BTRC: variants seen among roughly 807,000 people sequenced by gnomAD.
BTRC encodes the protein F-box/WD repeat-containing protein 1A.
Under a neutral mutation model 85.5 loss-of-function variants are expected in BTRC, and 42 were observed. That is an observed-to-expected ratio of 0.49 (90% CI 0.38 to 0.64). BTRC has a LOEUF of 0.64. Ranked by LOEUF, BTRC falls within the 30% of genes least tolerant of loss-of-function variation. The probability of loss-of-function intolerance (pLI) is 0.00; values close to 1 mark genes in which losing one functional copy is unlikely to be tolerated. For missense variants in BTRC, 594 were observed against 743.5 expected (o/e 0.80, Z 2.34); for synonymous variants, 255 against 263.3 (o/e 0.97, Z 0.30).
chr10:101,406,046 G>A (rs998523773), intron 1 of BTRC, among the ~76,000 whole-genome samples: 2 of 152,046 alleles, frequency 1.3e-5, no homozygotes, highest in Non-Finnish European at 2.9e-5. Flanking sequence ...ATGTAGATTT[G>A]TGTATTTTCC....
intron 13 of BTRC, among the ~76,000 whole-genome samples, chr10:101,550,084 A>T (rs1277951789): frequency 1.3e-5 from 2 of 152,162 alleles, no homozygotes; most frequent in Non-Finnish European, 2.9e-5. Context: ...GGAACTTAGA[A>T]GATAAAAACC....
intron 3 of BTRC, among the ~76,000 whole-genome samples, chr10:101,466,704 A>G (rs1945382019): frequency 6.6e-6 from 1 of 152,160 alleles, no homozygotes; most frequent in Admixed American, 6.5e-5. Context: ...AACACCTTGC[A>G]CGCTGCTGGA....
rs111278549 is a variant in BTRC at position 101,370,753 on chromosome 10, G to A, written c.48+16525G>A. 2.2e-4 allele frequency among the ~76,000 whole-genome samples: 33 copies of A among 151,558 alleles called. No individual in the cohort carries two copies. The East Asian group carries it at 6.3e-3, about 29-fold the overall frequency. ...ATCGGCTAATTTTTTTGCATTTTTA[G>A]TGGAGATGAGGTTTCTTCATGTTGT... is the stretch of plus-strand genomic sequence containing the variant. On this transcript the variant is annotated intron_variant, in intron 1 of 14. Transcript: ENST00000370187.
chr10:101,412,435 T>C (rs529705909), intron 1 of BTRC, among the ~76,000 whole-genome samples: 1 of 152,210 alleles, frequency 6.6e-6, no homozygotes, highest in African/African-American at 2.4e-5. Context: ...TGGCATTGTT[T>C]GTTGTTCAGT....
intron 3 of BTRC, among the ~76,000 whole-genome samples, chr10:101,463,007 A>G (rs1945270695): frequency 6.7e-6 from 1 of 150,062 alleles, no homozygotes; most frequent in South Asian, 2.1e-4. Context: ...AGCTGGAATT[A>G]CAGGTGCCTG....
At chr10:101,432,315 A>G (rs1350370236) in intron 2 of BTRC, among the ~76,000 whole-genome samples, 2 of 151,614 alleles carry the variant, frequency 1.3e-5, no homozygotes, top group African/African-American at 2.4e-5. Context: ...TTTTGTGGAG[A>G]TAGGGTTTCA....
intron 4 of BTRC, among the ~76,000 whole-genome samples, chr10:101,508,722 G>T (rs1347035058): frequency 1.3e-5 from 2 of 151,998 alleles, no homozygotes; most frequent in African/African-American, 4.8e-5. Flanking sequence ...AGACCACCCT[G>T]GCTAACACGG....
intron 1 of BTRC, among the ~76,000 whole-genome samples, chr10:101,397,096 G>A (rs557936631): frequency 7.2e-4 from 109 of 152,250 alleles, no homozygotes; most frequent in African/African-American, 2.2e-3. Context: ...GAGCCACTGC[G>A]CCCAGCCTGT....
intron 4 of BTRC, among the ~76,000 whole-genome samples, chr10:101,515,518 T>A (rs1453483840): frequency 1.3e-5 from 1 of 76,488 alleles, no homozygotes; most frequent in Non-Finnish European, 4.1e-5. Flanking sequence ...TTTATCCATT[T>A]TTTTTTTTTT....
At chr10:101,417,125 C>T (rs1943967291) in intron 1 of BTRC, among the ~76,000 whole-genome samples, 1 of 152,010 alleles carries the variant, frequency 6.6e-6, no homozygotes, top group South Asian at 2.1e-4. Flanking sequence ...CCAATAACAA[C>T]CATCAGAATT....
intron 1 of BTRC, among the ~76,000 whole-genome samples, chr10:101,382,909 T>A (rs1942971681): frequency 6.6e-6 from 1 of 152,192 alleles, no homozygotes; most frequent in African/African-American, 2.4e-5. Flanking sequence ...GTGTACTTTT[T>A]ACATTGTAAA....
Position 101,521,741 on chromosome 10 carries a change from C to T in BTRC, c.427C>T (p.Gln143Ter). ...EKELCVKYFE[Q>*]WSESDQVEFV... ...GGAACTGTGTGTCAAATACTTTGAG[C>T]AGTGGTCAGAGTCAGATCAAGTGGA... Residue 143 changes from glutamine to a stop codon, truncating the protein, a stop_gained, in exon 5 of 15, where the codon CAG (glutamine) becomes TAG (stop). Coordinates refer to ENST00000370187, the MANE Select transcript of BTRC (RefSeq NM_033637.4). LOFTEE classifies it high-confidence loss of function. 2.5e-6 allele frequency: 4 copies of T among 1,614,064 alleles called. No homozygotes were observed. Among genetic ancestry groups the T allele is most frequent in the Non-Finnish European group, 3.4e-6 (4 of 1,179,954 alleles).
intron 4 of BTRC, among the ~76,000 whole-genome samples, chr10:101,511,898 G>T (rs1191166619): frequency 1.3e-5 from 2 of 152,060 alleles, no homozygotes. Context: ...TGATCTGTCC[G>T]CCTCAGCCTC....
chr10:101,509,622 G>A (rs980662941), intron 4 of BTRC, among the ~76,000 whole-genome samples: 2 of 148,992 alleles, frequency 1.3e-5, no homozygotes, highest in African/African-American at 5.0e-5. Flanking sequence ...GCATGACCAC[G>A]GCTCACTGCA....
chr10:101,394,097 C>T (rs558461976), intron 1 of BTRC, among the ~76,000 whole-genome samples: 15 of 152,242 alleles, frequency 9.9e-5, no homozygotes, highest in African/African-American at 2.6e-4. Context: ...ATATTTCCAT[C>T]TCAATTCTAT....
intron 1 of BTRC, among the ~76,000 whole-genome samples, chr10:101,411,014 T>TTTTG (rs1299080233): frequency 6.6e-6 from 1 of 150,868 alleles, no homozygotes; most frequent in Non-Finnish European, 1.5e-5. Context: ...TTTTTTTTTT[T>TTTTG]TGAGACAGTG....
chr10:101,405,730 G>A (rs1263254637), intron 1 of BTRC, among the ~76,000 whole-genome samples: 1 of 152,112 alleles, frequency 6.6e-6, no homozygotes, highest in Non-Finnish European at 1.5e-5. Context: ...ACAGGATGGA[G>A]TGCACTTACT....
chr10:101,371,127 G>A (rs1452550967), intron 1 of BTRC, among the ~76,000 whole-genome samples: 2 of 151,514 alleles, frequency 1.3e-5, no homozygotes, highest in South Asian at 2.1e-4. Flanking sequence ...ACAAACTATC[G>A]ATGTCTCCCT....
chr10:101,408,990 A>G (rs191256509), intron 1 of BTRC, among the ~76,000 whole-genome samples: 1 of 152,210 alleles, frequency 6.6e-6, no homozygotes, highest in Non-Finnish European at 1.5e-5. Context: ...CGGAGGTTGC[A>G]GTGAACCAAG....
Sources: allele counts gnomAD v4.1 joint callset (sites outside exome capture counted in the v4.1 genomes callset), GRCh38; gene constraint gnomAD v4.1.1; transcripts MANE v1.5; gene names NCBI Gene and HGNC (gene_info 2026-07-23, HGNC 2026-07-21).